Variants in GAA observed in about 807,000 individuals in gnomAD.
GAA encodes lysosomal alpha-glucosidase.
A neutral mutation model predicts 103.9 loss-of-function variants in GAA; 88 were observed. The ratio of observed to expected loss-of-function variants is 0.85; its 90% CI spans 0.71 to 1.01. GAA has a LOEUF of 1.01. Ranked by LOEUF, GAA falls within the 50% of genes least tolerant of loss-of-function variation. GAA has a pLI of 0.00. For missense variants in GAA, 1,350 were observed against 1,305.3 expected, an observed-to-expected ratio of 1.03 and a Z score of -0.53; for synonymous variants, 572 against 563.1, an observed-to-expected ratio of 1.02 and a Z score of -0.22.
chr17:80,102,587 C>G (rs1466896299), intron 1 of GAA: 1 of 152,206 alleles, frequency 6.6e-6, no homozygotes, highest in Admixed American at 6.5e-5. Flanking sequence ...GGCTTCCCGC[C>G]GGGTTGTGGA....
Position 80,112,915 on chromosome 17 carries a change from G to GGGCCGAC in GAA, c.1930_1936dup (p.Val646GlyfsTer93), listed in dbSNP as rs748829376. On this transcript the variant is annotated frameshift_variant, in exon 14 of 20. Coordinates refer to ENST00000302262, the MANE Select transcript of GAA (RefSeq NM_000152.5). LOFTEE classifies it high-confidence loss of function. The stretch of plus-strand genomic sequence containing the variant: ...AACCTGCTGGGGGTGCCTCTGGTCG[G>GGGCCGAC]GGCCGACGTCTGCGGCTTCCTGGGC... The GGGCCGAC allele has an allele frequency of 3.7e-6, 6 of 1,610,726 alleles. No homozygotes were observed. In the South Asian group the frequency reaches 6.6e-5, roughly 18 times the overall value.
chr17:80,114,250 G>A lies in GAA; in HGVS notation c.2189+884G>A, dbSNP rs4889965. On this transcript the variant is annotated intron_variant, in intron 15 of 19. Coordinates refer to ENST00000302262, the MANE Select transcript of GAA (RefSeq NM_000152.5). The stretch of plus-strand genomic sequence containing the variant: ...AGCAAATAGCTACTCTTCCTAATAG[G>A]TAGAGAACTCATACGTTGGTAAGAC... Among the ~76,000 whole-genome samples the A allele has an allele frequency of 0.058, 8,835 of 152,168 alleles. 498 individuals carry two copies. The highest frequency in any genetic ancestry group is 0.15 in the South Asian group (738 of 4,820).
rs755990698 is a variant in GAA at position 80,107,786 on chromosome 17, C to T, written c.859-14C>T. ...GAGCGCAGGTGCTGAAGCGCCGTCT[C>T]CTGCATGTCCCAGCCCGGTGCGAAC... On this transcript the variant is annotated splice_polypyrimidine_tract_variant and intron_variant, in intron 4 of 19. Coordinates refer to ENST00000302262, the MANE Select transcript of GAA (RefSeq NM_000152.5). 2 of 1,610,170 alleles carry T rather than the reference C, an allele frequency of 1.2e-6. No homozygotes were observed. Among genetic ancestry groups the T allele is most frequent in the Non-Finnish European group, 1.7e-6 (2 of 1,178,666 alleles).
Position 80,108,936 on chromosome 17 carries a change from T to C in GAA, c.1326+108T>C. 3.0e-6 allele frequency: 4 copies of C among 1,351,712 alleles called. No individual in the cohort carries two copies. In the South Asian group the frequency reaches 5.7e-5, roughly 19 times the overall value. The allele number at this position is 1,351,712 out of a possible 1,614,324, so 83.7% of individuals were successfully genotyped here. A position where few individuals can be genotyped will look rare whatever the true frequency, so the allele number is the denominator to read the frequency against. On this transcript the variant is annotated intron_variant, in intron 8 of 19. Transcript: ENST00000302262. ...TGCCTGTGTGGTCGCCGAGGATGTTTTCTGAGGGTCTTTGTGATATCGAGG... is the reference window on the plus strand; with the variant it reads ...TGCCTGTGTGGTCGCCGAGGATGTTCTCTGAGGGTCTTTGTGATATCGAGG...
intron 3 of GAA, among the ~76,000 whole-genome samples, chr17:80,106,481 CAGGGGTGG>C: frequency 6.7e-6 from 1 of 148,816 alleles, no homozygotes; most frequent in African/African-American, 2.5e-5. Flanking sequence ...ATGTTGGGGG[CAGGGGTGG>C]CCTCTCTGGA....
At chr17:80,116,892 C>G (rs2039362283) in intron 15 of GAA, 76 bp from the exon 16 acceptor site, 1 of 1,544,890 alleles carries the variant, frequency 6.5e-7, no homozygotes, top group Non-Finnish European at 8.9e-7. Flanking sequence ...TCTTCCTGTG[C>G]CTCCCCAGGG....
Position 80,117,724 on chromosome 17 carries a change from G to C in GAA, c.2456G>C (p.Arg819Pro), listed in dbSNP as rs374687883. ...CTGGACACCATCAACGTCCACCTCC[G>C]GGCTGGGTACATCATCCCCCTGCAG... ...APLDTINVHL[R>P]AGYIIPLQGP... is the part of the protein sequence containing the mutation. Residue 819 changes from arginine (R) to proline (P), a missense_variant, in exon 17 of 20, where the codon CGG becomes CCG. Transcript: ENST00000302262. 1 of 1,611,168 alleles carries C rather than the reference G, an allele frequency of 6.2e-7. No individual in the cohort carries two copies. The highest frequency in any genetic ancestry group is 1.1e-5 in the South Asian group (1 of 90,848).
Position 80,118,291 on chromosome 17 carries a change from C to T in GAA, c.2580C>T (p.Asp860=), listed in dbSNP as rs61736894. The T allele has an allele frequency of 8.0e-4, 1,285 of 1,598,350 alleles. 10 individuals carry two copies. In the African/African-American group the frequency reaches 0.016, roughly 19 times the overall value. ...GGEARGELFW[D]DGESLEVLER... Reference sequence around the variant, plus strand: ...AGGCCCGAGGGGAGCTGTTCTGGGACGATGGAGAGAGCCTGGAAGTGCTGG... The same window carrying T: ...AGGCCCGAGGGGAGCTGTTCTGGGATGATGGAGAGAGCCTGGAAGTGCTGG... The change falls in exon 18 of 20, where the codon GAC becomes GAT. Residue 860 remains aspartate (D), a synonymous_variant. Coordinates refer to ENST00000302262, the MANE Select transcript of GAA (RefSeq NM_000152.5).
rs374368644 is a variant in GAA at position 80,112,641 on chromosome 17, C to T, written c.1818C>T (p.His606=). 2.9e-5 allele frequency: 46 copies of T among 1,612,722 alleles called. No homozygotes were observed. Among genetic ancestry groups the T allele is most frequent in the African/African-American group, 1.9e-4 (14 of 75,052 alleles). The change falls in exon 13 of 20, where the codon CAC becomes CAT. Residue 606 remains histidine (H), a synonymous_variant. Transcript: ENST00000302262. ...FVISRSTFAG[H]GRYAGHWTGD... ...TCTCCCGCTCGACCTTTGCTGGCCA[C>T]GGCCGATACGCCGGCCACTGGACGG...
At chr17:80,108,152 C>A in intron 5 of GAA, 138 bp from the exon 6 acceptor site, 1 of 1,476,692 alleles carries the variant, frequency 6.8e-7, no homozygotes, top group Non-Finnish European at 9.4e-7. Flanking sequence ...TCAGGCTTAG[C>A]ACGGCTTCCC....
At chr17:80,106,208 G>T (rs1052604642) in intron 3 of GAA, among the ~76,000 whole-genome samples, 1 of 152,180 alleles carries the variant, frequency 6.6e-6, no homozygotes, top group African/African-American at 2.4e-5. Flanking sequence ...TCGGAAATGC[G>T]TTTTTCTTTT....
chr17:80,117,073 C>T lies in GAA; in HGVS notation c.2295C>T (p.Gly765=), dbSNP rs1229088072. ...VLQAGKAEVT[G]YFPLGTWYDL... ...AGGCCGGGAAGGCCGAAGTGACTGG[C>T]TACTTCCCCTTGGGCACATGGTACG... The change falls in exon 16 of 20, where the codon GGC becomes GGT. Residue 765 remains glycine (G), a synonymous_variant. Coordinates refer to ENST00000302262, the MANE Select transcript of GAA (RefSeq NM_000152.5). The T allele has an allele frequency of 6.2e-7, 1 of 1,613,236 alleles. No individual in the cohort carries two copies. Among genetic ancestry groups the T allele is most frequent in the Non-Finnish European group, 8.5e-7 (1 of 1,180,020 alleles).
At chr17:80,115,570 G>A (rs2039339512) in intron 15 of GAA, among the ~76,000 whole-genome samples, 1 of 152,120 alleles carries the variant, frequency 6.6e-6, no homozygotes, top group African/African-American at 2.4e-5. Context: ...TCCAATGTCT[G>A]GGCTTCTCTA....
chr17:80,108,880 G>A (rs1263620378), intron 8 of GAA, 52 bp downstream of exon 8: 1 of 1,544,834 alleles, frequency 6.5e-7, no homozygotes. Context: ...CCGGTGCCCA[G>A]TGGCTCCTTC....
Position 80,104,564 on chromosome 17 carries a change from A to C in GAA, c.-23A>C. 6.3e-7 allele frequency: 1 copy of C among 1,598,238 alleles called. No individual in the cohort carries two copies. The highest frequency in any genetic ancestry group is 1.1e-5 in the South Asian group (1 of 90,174). ...CTTTCTTCTCCCGCAGGCCTGTAGG[A>C]GCTGTCCAGGCCATCTCCAACCATG... On this transcript the variant is annotated 5_prime_UTR_variant, in exon 2 of 20. Transcript: ENST00000302262. This position sits in a 1 kb window ranked among gnomAD's most constrained non-coding sequence, Gnocchi z 4.0.
In GAA at chr17:80,118,226, CAGCCCA is replaced by C; in HGVS notation, c.2516_2521del (p.Gln839_Met841delinsLeu). 6.2e-7 allele frequency: 1 copy of C among 1,613,062 alleles called. No individual in the cohort carries two copies. Among genetic ancestry groups the C allele is most frequent in the Non-Finnish European group, 8.5e-7 (1 of 1,179,722 alleles). On this transcript the variant is annotated inframe_deletion, in exon 18 of 20. Coordinates refer to ENST00000302262, the MANE Select transcript of GAA (RefSeq NM_000152.5). ...CCTCACAACCACAGAGTCCCGCCAG[CAGCCCA>C]TGGCCCTGGCTGTGGCCCTGACCAA...
At chr17:80,111,860 C>G (rs897019305) in intron 11 of GAA, 123 bp from the exon 12 acceptor site, 3 of 775,530 alleles carry the variant, frequency 3.9e-6, no homozygotes, top group Non-Finnish European at 6.5e-6. Flanking sequence ...GCAGGTGCAC[C>G]TCCAGGGCCA....
Position 80,117,753 on chromosome 17 carries a change from C to T in GAA, c.2481+4C>T, listed in dbSNP as rs2039389862. Reference sequence around the variant, plus strand: ...TGGGTACATCATCCCCCTGCAGGTACCTGGGCCAGGCGGCTATGGTGGGGG... The same window carrying T: ...TGGGTACATCATCCCCCTGCAGGTATCTGGGCCAGGCGGCTATGGTGGGGG... On this transcript the variant is annotated splice_donor_region_variant and intron_variant, in intron 17 of 19. Transcript: ENST00000302262. The T allele has an allele frequency of 6.2e-7, 1 of 1,606,736 alleles. No individual in the cohort carries two copies. The highest frequency in any genetic ancestry group is 2.2e-5 in the East Asian group (1 of 44,782).
At chr17:80,116,806 G>A in intron 15 of GAA, 162 bp from the exon 16 acceptor site, 1 of 729,350 alleles carries the variant, frequency 1.4e-6, no homozygotes, top group Non-Finnish European at 2.4e-6. Flanking sequence ...TCTATCTGCT[G>A]GAATCATCCC....
Sources: gnomAD v4.1 joint callset for allele counts (sites outside exome capture counted in the v4.1 genomes callset) on GRCh38, gnomAD v4.1.1 for gene constraint, Gnocchi (gnomAD v3.1) non-coding constraint, MANE v1.5 for transcripts, NCBI Gene and HGNC (gene_info 2026-07-23, HGNC 2026-07-21) for gene names.